CYP4V2: variants seen among roughly 807,000 people sequenced by gnomAD.
The protein encoded by CYP4V2 is cytochrome P450 family 4 subfamily V member 2.
A neutral mutation model predicts 60.8 loss-of-function variants in CYP4V2; 55 were observed. The observed-to-expected ratio is 0.90, with a 90% CI of 0.73 to 1.13. The LOEUF is 1.13. CYP4V2 is among the 50% of genes most tolerant of loss of function. The probability of loss-of-function intolerance (pLI) is 0.00; values close to 1 mark genes in which losing one functional copy is unlikely to be tolerated. For synonymous variants in CYP4V2, 239 were observed against 236.8 expected (o/e 1.01, Z -0.08); for missense variants, 675 against 662.9 (o/e 1.02, Z -0.20).
Position 186,209,108 on chromosome 4 carries a change from T to C in CYP4V2, c.1241T>C (p.Leu414Pro), listed in dbSNP as rs768922496. The C allele has an allele frequency of 9.3e-6, 15 of 1,614,208 alleles. No individual in the cohort carries two copies. Among genetic ancestry groups the C allele is most frequent in the Middle Eastern group, 3.3e-4 (2 of 6,062 alleles). The change falls in exon 10 of 11, where the codon CTA (leucine) becomes CCA (proline). Residue 414 changes from leucine to proline, a missense_variant. Leu to Pro is a moderately conservative substitution (Grantham distance 98, BLOSUM62 -3). Coordinates refer to ENST00000378802, the MANE Select transcript of CYP4V2 (RefSeq NM_207352.4). ...TTCTTGACAGCAGGTTACAGAGTTC[T>C]AAAAGGCACTGAAGCCGTCATCATT... Reference protein sequence around the residue: ...EDCEVAGYRVLKGTEAVIIPY... With the variant: ...EDCEVAGYRVPKGTEAVIIPY...
intron 10 of CYP4V2, among the ~76,000 whole-genome samples, chr4:186,210,257 T>C (rs1736663422): frequency 6.6e-6 from 1 of 152,084 alleles, no homozygotes; most frequent in Non-Finnish European, 1.5e-5. Context: ...GAGTACAAAT[T>C]CTCTGATCCT....
Position 186,198,953 on chromosome 4 carries a change from A to G in CYP4V2, c.675-4A>G, listed in dbSNP as rs1736231174. ...CAGCTGATGTATTTTTATCCCATTT[A>G]TAGAATGAGTGAGATGATATTTCGA... On this transcript the variant is annotated splice_polypyrimidine_tract_variant and splice_region_variant and intron_variant, in intron 5 of 10. Coordinates refer to ENST00000378802, the MANE Select transcript of CYP4V2 (RefSeq NM_207352.4). 1 of 1,613,932 alleles carries G rather than the reference A, an allele frequency of 6.2e-7. No individual in the cohort carries two copies. Among genetic ancestry groups the G allele is most frequent in the African/African-American group, 1.3e-5 (1 of 74,932 alleles).
Position 186,212,150 on chromosome 4 carries a change from T to G in CYP4V2, c.*1509T>G, listed in dbSNP as rs1736744311. On this transcript the variant is annotated 3_prime_UTR_variant, in exon 11 of 11. Coordinates refer to ENST00000378802, the MANE Select transcript of CYP4V2 (RefSeq NM_207352.4). The stretch of plus-strand genomic sequence containing the variant: ...TGGAAATACGTAGAGATCTATACCC[T>G]TAAATCTCTCCACTCACATGCTGAT... The G allele has an allele frequency of 6.6e-6, 1 of 152,220 alleles. No individual in the cohort carries two copies. Among genetic ancestry groups the G allele is most frequent in the African/African-American group, 2.4e-5 (1 of 41,462 alleles). 9.4% of individuals were successfully genotyped at this position (152,220 alleles called of 1,614,324 possible). A position where few individuals can be genotyped will look rare whatever the true frequency, so the allele number is the denominator to read the frequency against.
rs1736681246 is a variant in CYP4V2, at chr4:186,210,564, C to G, written c.1501C>G (p.Leu501Val). 3 of 1,614,144 alleles carry G rather than the reference C, an allele frequency of 1.9e-6. No individual in the cohort carries two copies. Among genetic ancestry groups the G allele is most frequent in the South Asian group, 2.2e-5 (2 of 91,082 alleles). The change falls in exon 11 of 11, where the codon CTA becomes GTA. Residue 501 changes from leucine (L) to valine (V), a missense_variant. By Grantham distance (32) the Leu-to-Val change is conservative (BLOSUM62 1). Coordinates refer to ENST00000378802, the MANE Select transcript of CYP4V2 (RefSeq NM_207352.4). ...CAACCAGAAAAGAGAAGAGCTTGGT[C>G]TAGAAGGACAGTTGATTCTTCGTCC... ...ESNQKREELGLEGQLILRPSN... is the reference protein window; with the variant it reads ...ESNQKREELGVEGQLILRPSN...
In CYP4V2 at chr4:186,196,016, G is replaced by A. The variant is rs1736136994; in HGVS notation, c.341G>A (p.Ser114Asn). The change falls in exon 3 of 11, where the codon AGT becomes AAT. Residue 114 changes from serine to asparagine, a missense_variant. Transcript: ENST00000378802. ...TCTCTTCCTAAGGTAATTTTAACTA[G>A]TTCAAAGCAAATTGACAAATCCTCT... ...NAENVEVILTSSKQIDKSSMY... is the reference protein window; with the variant it reads ...NAENVEVILTNSKQIDKSSMY... The A allele has an allele frequency of 6.2e-6, 10 of 1,613,566 alleles. No homozygotes were observed. Among genetic ancestry groups the A allele is most frequent in the South Asian group, 1.1e-5 (1 of 91,048 alleles).
chr4:186,209,310 C>T, intron 10 of CYP4V2, 38 bp downstream of exon 10: 2 of 1,612,614 alleles, frequency 1.2e-6, no homozygotes, highest in Non-Finnish European at 8.5e-7. Context: ...CTTTCAGGCC[C>T]ACTTGATGGT....
Position 186,198,051 on chromosome 4 carries a change from C to G in CYP4V2, c.674+449C>G, listed in dbSNP as rs527819278. 3.4e-4 allele frequency among the ~76,000 whole-genome samples: 52 copies of G among 152,230 alleles called. 1 individual carries two copies. In the South Asian group the frequency reaches 4.6e-3, roughly 13 times the overall value. ...TATTCTTCTTCCCATATTTTCTGCA[C>G]CAAGTAGGTATTGTTTTAGTCATCG... On this transcript the variant is annotated intron_variant, in intron 5 of 10. Transcript: ENST00000378802.
chr4:186,204,120 G>C (rs1736405441), intron 7 of CYP4V2: 2 of 155,736 alleles, frequency 1.3e-5, no homozygotes, highest in Non-Finnish European at 2.9e-5. Context: ...GCCAGGTCCT[G>C]AAATATCAAA....
intron 6 of CYP4V2, among the ~76,000 whole-genome samples, 198 bp from the exon 7 acceptor site, chr4:186,200,959 T>C (rs1736288646): frequency 6.6e-6 from 1 of 152,218 alleles, no homozygotes; most frequent in African/African-American, 2.4e-5. Flanking sequence ...TTAAATTTGT[T>C]TTTAAAAGTT....
rs1328206892 is a variant in CYP4V2 at position 186,191,798 on chromosome 4, G to A, written c.-26G>A. The A allele has an allele frequency of 2.0e-6, 3 of 1,512,820 alleles. No individual in the cohort carries two copies. Among genetic ancestry groups the A allele is most frequent in the Non-Finnish European group, 8.8e-7 (1 of 1,136,674 alleles). The allele number at this position is 1,512,820 out of a possible 1,614,324, so 93.7% of individuals were successfully genotyped here. A position where few individuals can be genotyped will look rare whatever the true frequency, so the allele number is the denominator to read the frequency against. ...CCGCGGGCCCGCACTTTCCCGGAGTGCACCCCGCGGCCGCCAGCCGGGGCG... is the reference window on the plus strand; with the variant it reads ...CCGCGGGCCCGCACTTTCCCGGAGTACACCCCGCGGCCGCCAGCCGGGGCG... On this transcript the variant is annotated 5_prime_UTR_variant, in exon 1 of 11. Transcript: ENST00000378802.
rs1736126849 is a variant in CYP4V2 at position 186,195,569 on chromosome 4, C to T, written c.328-434C>T. On this transcript the variant is annotated intron_variant, in intron 2 of 10. Transcript: ENST00000378802. The surrounding 1 kb of genome is among the most constrained non-coding windows in gnomAD (Gnocchi z 4.1). Reference sequence around the variant, plus strand: ...CCGAACAGGCATCTCCAGCTCAGGCCTTATCTTGGCTGTCTCACTTGCTTT... The same window carrying T: ...CCGAACAGGCATCTCCAGCTCAGGCTTTATCTTGGCTGTCTCACTTGCTTT... Among the ~76,000 whole-genome samples the T allele has an allele frequency of 6.6e-6, 1 of 152,144 alleles. No individual in the cohort carries two copies. The highest frequency in any genetic ancestry group is 2.1e-4 in the South Asian group (1 of 4,830).
Position 186,195,372 on chromosome 4 carries a change from T to A in CYP4V2, c.328-631T>A, listed in dbSNP as rs72646249. Among the ~76,000 whole-genome samples the A allele has an allele frequency of 1.3e-5, 2 of 152,284 alleles. No individual in the cohort carries two copies. Among genetic ancestry groups the A allele is most frequent in the South Asian group, 4.1e-4 (2 of 4,830 alleles). On this transcript the variant is annotated intron_variant, in intron 2 of 10. Transcript: ENST00000378802. This position sits in a 1 kb window ranked among gnomAD's most constrained non-coding sequence, Gnocchi z 4.1. ...GCTGTTGGCCTAGTGTTAATAGAAG[T>A]TGGTGTGGTGGATGCAGATGGAGAT...
chr4:186,207,221 A>T (rs1423692391), intron 8 of CYP4V2, among the ~76,000 whole-genome samples: 1 of 152,092 alleles, frequency 6.6e-6, no homozygotes, highest in South Asian at 2.1e-4. Flanking sequence ...ATCCTGGCTA[A>T]CACAGTGAAA....
Position 186,210,675 on chromosome 4 carries a change from A to AG in CYP4V2, c.*36dup. On this transcript the variant is annotated 3_prime_UTR_variant, in exon 11 of 11. Transcript: ENST00000378802. ...TTGGGTTGTGCCTTTATCATGAGAA[A>AG]GGTCTTTATTTTAAGAGATCCTTGT... 2 of 1,613,374 alleles carry AG rather than the reference A, an allele frequency of 1.2e-6. No individual in the cohort carries two copies. The highest frequency in any genetic ancestry group is 1.7e-6 in the Non-Finnish European group (2 of 1,179,596).
intron 8 of CYP4V2, among the ~76,000 whole-genome samples, chr4:186,208,566 C>T (rs941134179): frequency 1.3e-5 from 2 of 151,264 alleles, no homozygotes; most frequent in African/African-American, 4.9e-5. Flanking sequence ...CCTTGATCCA[C>T]ATGTTCTTCT....
Position 186,210,828 on chromosome 4 carries a change from C to A in CYP4V2, c.*187C>A. On this transcript the variant is annotated 3_prime_UTR_variant, in exon 11 of 11. Transcript: ENST00000378802. Reference sequence around the variant, plus strand: ...TTTTGAGTTTTGTATTTTCTTTTTTCTTTTTTCTTTATTTTTTTTTTTTGA... The same window carrying A: ...TTTTGAGTTTTGTATTTTCTTTTTTATTTTTTCTTTATTTTTTTTTTTTGA... 4.2e-6 allele frequency: 3 copies of A among 713,220 alleles called. No homozygotes were observed. Among genetic ancestry groups the A allele is most frequent in the East Asian group, 5.6e-5 (2 of 35,532 alleles). 44.2% of individuals were successfully genotyped at this position (713,220 alleles called of 1,614,324 possible).
chr4:186,201,498 TTAAG>T, intron 7 of CYP4V2, 156 bp downstream of exon 7: 2 of 873,110 alleles, frequency 2.3e-6, no homozygotes, highest in South Asian at 1.9e-5. Context: ...AAGAAACTGA[TTAAG>T]TACCAGCTCA....
chr4:186,197,890 T>A (rs1204415838), intron 5 of CYP4V2, among the ~76,000 whole-genome samples: 1 of 152,182 alleles, frequency 6.6e-6, no homozygotes, highest in African/African-American at 2.4e-5. Context: ...ATATAAACAG[T>A]TTTCTGTACC....
chr4:186,210,831 T>C lies in CYP4V2; in HGVS notation c.*190T>C, dbSNP rs921535503. The C allele has an allele frequency of 5.1e-5, 36 of 705,560 alleles. No homozygotes were observed. Among genetic ancestry groups the C allele is most frequent in the Non-Finnish European group, 7.9e-5 (35 of 440,970 alleles). The allele number at this position is 705,560 out of a possible 1,614,324, so 43.7% of individuals were successfully genotyped here. A position where few individuals can be genotyped will look rare whatever the true frequency, so the allele number is the denominator to read the frequency against. On this transcript the variant is annotated 3_prime_UTR_variant, in exon 11 of 11. Coordinates refer to ENST00000378802, the MANE Select transcript of CYP4V2 (RefSeq NM_207352.4). ...TGAGTTTTGTATTTTCTTTTTTCTT[T>C]TTTCTTTATTTTTTTTTTTTGAAAC...
Sources: gnomAD v4.1 joint callset for allele counts (sites outside exome capture counted in the v4.1 genomes callset) on GRCh38, gnomAD v4.1.1 for gene constraint, Gnocchi (gnomAD v3.1) non-coding constraint, MANE v1.5 for transcripts, NCBI Gene and HGNC (gene_info 2026-07-23, HGNC 2026-07-21) for gene names.